MED13L: variants seen among roughly 807,000 people sequenced by gnomAD.
MED13L encodes the protein mediator of RNA polymerase II transcription subunit 13-like.
In MED13L, 7 loss-of-function variants were observed where a neutral mutation model predicts 220.9. The ratio of observed to expected loss-of-function variants is 0.03; its 90% CI spans 0.02 to 0.06. The LOEUF (loss-of-function observed/expected upper bound fraction) is 0.06, where lower values mean the gene tolerates loss of function less well. MED13L is among the 10% of genes least tolerant of loss of function. The pLI is 1.00. For synonymous variants in MED13L, 1,011 were observed against 1,015.2 expected (o/e 1.00, Z 0.08); for missense variants, 1,965 against 2,760.5 (o/e 0.71, Z 6.46).
In MED13L at chr12:115,975,706, G is replaced by C. The variant is rs1274719305; in HGVS notation, c.5397C>G (p.Pro1799=). 1 of 1,613,976 alleles carries C rather than the reference G, an allele frequency of 6.2e-7. No homozygotes were observed. The highest frequency in any genetic ancestry group is 8.5e-7 in the Non-Finnish European group (1 of 1,180,016). Residue 1799 remains proline, a synonymous_variant, in exon 24 of 31, where the codon CCC becomes CCG. Coordinates refer to ENST00000281928, the MANE Select transcript of MED13L (RefSeq NM_015335.5). ...TGTCTTTGATTGGGGCCAATATAAA[G>C]GGAGGGGAGTAAAGCTGGATTGGGC... is the stretch of plus-strand genomic sequence containing the variant. ...RPSPIQLYSP[P]FILAPIKDKQ...
chr12:116,070,438 T>C (rs1007161861), intron 4 of MED13L, among the ~76,000 whole-genome samples: 1 of 152,200 alleles, frequency 6.6e-6, no homozygotes, highest in Non-Finnish European at 1.5e-5. Context: ...ACTCATTTCA[T>C]CTCCATAATC....
intron 16 of MED13L, among the ~76,000 whole-genome samples, chr12:115,993,108 G>A (rs1878173665): frequency 6.6e-6 from 1 of 152,010 alleles, no homozygotes; most frequent in South Asian, 2.1e-4. Context: ...ATGACTTAAG[G>A]TATACAGAGG....
chr12:116,121,847 T>C (rs1261054792), intron 2 of MED13L, among the ~76,000 whole-genome samples: 2 of 152,132 alleles, frequency 1.3e-5, no homozygotes, highest in Non-Finnish European at 1.5e-5. Context: ...ACTGCAAATA[T>C]TGGAGGTGGG....
chr12:116,239,486 C>T lies in MED13L; in HGVS notation c.73-1781G>A, dbSNP rs573651968. The stretch of plus-strand genomic sequence containing the variant: ...CATATTGCATGATTTATATTTTTCA[C>T]TTATTTTTATATATTACTAATTATT... On this transcript the variant is annotated intron_variant, in intron 1 of 30. Transcript: ENST00000281928. Among the ~76,000 whole-genome samples, 8 of 152,264 alleles carry T rather than the reference C, an allele frequency of 5.3e-5. 1 individual carries two copies. The South Asian group carries it at 1.7e-3, about 32-fold the overall frequency.
At chr12:116,066,648 AT>A (rs1400919550) in intron 4 of MED13L, among the ~76,000 whole-genome samples, 1 of 152,192 alleles carries the variant, frequency 6.6e-6, no homozygotes, top group South Asian at 2.1e-4. Flanking sequence ...CACTATGATT[AT>A]AAACAATGTA....
chr12:116,094,460 A>G (rs545584964), intron 4 of MED13L, among the ~76,000 whole-genome samples: 2 of 152,344 alleles, frequency 1.3e-5, no homozygotes, highest in East Asian at 3.9e-4. Context: ...TATTTACATC[A>G]GGCTTGCTAA....
At chr12:115,989,740 A>C (rs1028286867) in intron 17 of MED13L, among the ~76,000 whole-genome samples, 1 of 151,988 alleles carries the variant, frequency 6.6e-6, no homozygotes, top group Non-Finnish European at 1.5e-5. Flanking sequence ...ACTCCTCAAC[A>C]TCTCTCTTTC....
At chr12:116,107,045 C>T (rs984164371) in intron 3 of MED13L, among the ~76,000 whole-genome samples, 4 of 152,020 alleles carry the variant, frequency 2.6e-5, no homozygotes, top group Non-Finnish European at 5.9e-5. Flanking sequence ...GCCAAAGAAC[C>T]CTTCACCATG....
chr12:116,030,731 CAAAG>C (rs1451695443), intron 4 of MED13L, among the ~76,000 whole-genome samples: 3 of 151,988 alleles, frequency 2.0e-5, no homozygotes, highest in Non-Finnish European at 4.4e-5. Flanking sequence ...TAACTACAAA[CAAAG>C]AAGGAACACT....
At chr12:115,973,442 A>G (rs1876722402) in intron 25 of MED13L, among the ~76,000 whole-genome samples, 2 of 152,296 alleles carry the variant, frequency 1.3e-5, no homozygotes, top group South Asian at 2.1e-4. Context: ...ATTTTCTTTC[A>G]ATCTTTTGAT....
chr12:115,995,114 T>C (rs551963751), intron 16 of MED13L, among the ~76,000 whole-genome samples: 1 of 152,320 alleles, frequency 6.6e-6, no homozygotes, highest in South Asian at 2.1e-4. Flanking sequence ...TGACTTTATA[T>C]ACACAAGCAG....
At chr12:116,157,153 C>T (rs1200704519) in intron 2 of MED13L, among the ~76,000 whole-genome samples, 1 of 152,148 alleles carries the variant, frequency 6.6e-6, no homozygotes, top group Non-Finnish European at 1.5e-5. Context: ...TCATCTTTGT[C>T]GTATTTCCCA....
chr12:116,258,635 G>A (rs763528247), intron 1 of MED13L, among the ~76,000 whole-genome samples: 1 of 151,958 alleles, frequency 6.6e-6, no homozygotes, highest in Non-Finnish European at 1.5e-5. Flanking sequence ...AAATTAGCCT[G>A]GCATGGTGGC....
intron 27 of MED13L, among the ~76,000 whole-genome samples, chr12:115,969,704 CAT>C: frequency 6.6e-6 from 1 of 151,422 alleles, no homozygotes; most frequent in East Asian, 1.9e-4. Flanking sequence ...TTGTATTTTT[CAT>C]AGAGATGGGG....
intron 2 of MED13L, among the ~76,000 whole-genome samples, chr12:116,214,766 T>A (rs981411608): frequency 1.3e-5 from 2 of 152,196 alleles, no homozygotes; most frequent in African/African-American, 2.4e-5. Context: ...ACCTTCTACC[T>A]AAACTCACTG....
At chr12:116,128,445 G>GAA (rs34961794) in intron 2 of MED13L, among the ~76,000 whole-genome samples, 43 of 144,126 alleles carry the variant, frequency 3.0e-4, no homozygotes, top group East Asian at 1.6e-3. Context: ...TATTCTTGAG[G>GAA]AAAAAAAAAA....
chr12:116,048,490 G>A (rs1592985555), intron 4 of MED13L, among the ~76,000 whole-genome samples: 2 of 152,174 alleles, frequency 1.3e-5, no homozygotes, highest in South Asian at 4.1e-4. Flanking sequence ...TCAGAATGAA[G>A]TGATAGAAAC....
At chr12:116,023,188 G>A (rs1880165967) in intron 4 of MED13L, among the ~76,000 whole-genome samples, 1 of 152,050 alleles carries the variant, frequency 6.6e-6, no homozygotes, top group African/African-American at 2.4e-5. Flanking sequence ...CCTAGCTCCT[G>A]AGGAGGCTGA....
At chr12:116,207,701 A>C (rs1882436267) in intron 2 of MED13L, among the ~76,000 whole-genome samples, 3 of 152,142 alleles carry the variant, frequency 2.0e-5, no homozygotes, top group African/African-American at 7.2e-5. Context: ...TATAAGAATG[A>C]TATTAAGTAA....
Sources: gnomAD v4.1 joint callset for allele counts (sites outside exome capture counted in the v4.1 genomes callset) on GRCh38, gnomAD v4.1.1 for gene constraint, MANE v1.5 for transcripts, NCBI Gene and HGNC (gene_info 2026-07-23, HGNC 2026-07-21) for gene names.